Variants in KSR1 observed in about 807,000 individuals in gnomAD.
KSR1 encodes the protein kinase suppressor of ras 1.
In KSR1, 35 loss-of-function variants were observed where a neutral mutation model predicts 92.9. The observed-to-expected ratio is 0.38, with a 90% CI of 0.29 to 0.50. The LOEUF is 0.50. Ranked by LOEUF, KSR1 falls within the 20% of genes least tolerant of loss-of-function variation. The probability of loss-of-function intolerance (pLI) is 0.94; values close to 1 mark genes in which losing one functional copy is unlikely to be tolerated. For synonymous variants in KSR1, 467 were observed against 472.6 expected, an observed-to-expected ratio of 0.99 and a Z score of 0.15; for missense variants, 972 against 1,158.5, an observed-to-expected ratio of 0.84 and a Z score of 2.34.
Position 27,588,533 on chromosome 17 carries a change from C to T in KSR1, c.1044C>T (p.His348=), listed in dbSNP as rs772243304. ...VRRDIGLSVT[H]RFSTKSWLSQ... ...GGGATATCGGGCTGTCGGTGACGCA[C>T]AGGTAGGCACAGCGGGCCTGGAGGG... is the stretch of plus-strand genomic sequence containing the variant. The change falls in exon 6 of 21, where the codon CAC becomes CAT. Residue 348 remains histidine (H), a splice_region_variant and synonymous_variant. Transcript: ENST00000644974. 5.7e-6 allele frequency: 9 copies of T among 1,591,080 alleles called. No homozygotes were observed. The highest frequency in any genetic ancestry group is 7.7e-6 in the Non-Finnish European group (9 of 1,169,096).
At chr17:27,615,377 G>C (rs538282438) in intron 18 of KSR1, among the ~76,000 whole-genome samples, 59 of 152,348 alleles carry the variant, frequency 3.9e-4, no homozygotes, top group African/African-American at 1.3e-3. Context: ...CATTTTCTTT[G>C]TGGGTCCATC....
At chr17:27,503,113 GAGTA>G (rs1418560246) in intron 1 of KSR1, among the ~76,000 whole-genome samples, 5 of 152,164 alleles carry the variant, frequency 3.3e-5, no homozygotes, top group Admixed American at 2.6e-4. Flanking sequence ...AGAGAGTTCT[GAGTA>G]AGATATTTTG....
intron 1 of KSR1, among the ~76,000 whole-genome samples, chr17:27,525,705 C>A (rs2070231192): frequency 6.6e-6 from 1 of 152,222 alleles, no homozygotes; most frequent in South Asian, 2.1e-4. Flanking sequence ...AAACCTTAAG[C>A]TTTTCCAGGT....
At chr17:27,527,448 G>T (rs1400078482) in intron 1 of KSR1, among the ~76,000 whole-genome samples, 1 of 129,950 alleles carries the variant, frequency 7.7e-6, no homozygotes, top group African/African-American at 3.0e-5. Context: ...TGTCACCTAG[G>T]CTAGAGTGCA....
chr17:27,506,678 C>T (rs2069395766), intron 1 of KSR1, among the ~76,000 whole-genome samples: 1 of 149,956 alleles, frequency 6.7e-6, no homozygotes, highest in East Asian at 2.0e-4. Flanking sequence ...CTCCCCCTCC[C>T]ACCCCCTCCT....
At chr17:27,504,699 G>T (rs991406232) in intron 1 of KSR1, among the ~76,000 whole-genome samples, 1 of 152,170 alleles carries the variant, frequency 6.6e-6, no homozygotes. Flanking sequence ...CATCCCTGCC[G>T]CCATCTGCCT....
At chr17:27,574,180 G>A (rs902730043) in intron 2 of KSR1, among the ~76,000 whole-genome samples, 5 of 152,222 alleles carry the variant, frequency 3.3e-5, no homozygotes, top group Non-Finnish European at 7.3e-5. Context: ...TGCTTACCCT[G>A]ACGGTATCGC....
chr17:27,457,386 A>G (rs1189275387), intron 1 of KSR1, among the ~76,000 whole-genome samples: 1 of 152,144 alleles, frequency 6.6e-6, no homozygotes, highest in African/African-American at 2.4e-5. Context: ...CTTTTCAAAA[A>G]GTGTTGCTGA....
intron 1 of KSR1, among the ~76,000 whole-genome samples, chr17:27,504,375 C>G (rs1021023144): frequency 2.6e-5 from 4 of 152,078 alleles, no homozygotes; most frequent in Admixed American, 2.0e-4. Context: ...CAGGGCCTCT[C>G]GCAGGCTGTG....
At chr17:27,486,891 C>T (rs1220400659) in intron 1 of KSR1, among the ~76,000 whole-genome samples, 1 of 152,210 alleles carries the variant, frequency 6.6e-6, no homozygotes, top group African/African-American at 2.4e-5. Flanking sequence ...ACAGGACATT[C>T]AGACCCTCTG....
intron 1 of KSR1, among the ~76,000 whole-genome samples, chr17:27,495,757 T>C (rs1363328526): frequency 6.6e-6 from 1 of 152,224 alleles, no homozygotes; most frequent in African/African-American, 2.4e-5. Context: ...CCTGAGTTGA[T>C]GGCGGGTCTA....
chr17:27,526,517 C>T, intron 1 of KSR1: 2 of 1,604,268 alleles, frequency 1.2e-6, no homozygotes, highest in South Asian at 2.2e-5. Flanking sequence ...CCTCCTCTGC[C>T]ATCTCACACT....
intron 2 of KSR1, among the ~76,000 whole-genome samples, chr17:27,568,888 C>T (rs144080503): frequency 1.3e-5 from 2 of 152,332 alleles, no homozygotes; most frequent in African/African-American, 4.8e-5. Context: ...GATCCCAGGC[C>T]CTCAGCTTTA....
At chr17:27,617,206 A>C in intron 18 of KSR1, 89 bp from the exon 19 acceptor site, 2 of 1,403,202 alleles carry the variant, frequency 1.4e-6, no homozygotes, top group Non-Finnish European at 1.9e-6. Context: ...ACTTGAGAAC[A>C]TCAAAGGGAC....
intron 1 of KSR1, among the ~76,000 whole-genome samples, chr17:27,549,327 G>T (rs556751825): frequency 7.2e-5 from 11 of 152,306 alleles, no homozygotes; most frequent in Non-Finnish European, 8.8e-5. Flanking sequence ...TCACTTGGCC[G>T]TAGCCAAGCC....
chr17:27,504,105 G>A (rs972969032), intron 1 of KSR1, among the ~76,000 whole-genome samples: 1 of 152,214 alleles, frequency 6.6e-6, no homozygotes, highest in Non-Finnish European at 1.5e-5. Context: ...TGGCCCCGTG[G>A]GAAGTATAGA....
chr17:27,463,642 G>A (rs1458525401), intron 1 of KSR1, among the ~76,000 whole-genome samples: 1 of 152,088 alleles, frequency 6.6e-6, no homozygotes, highest in African/African-American at 2.4e-5. Context: ...GGCCCCCTGG[G>A]CTGACCAATT....
intron 1 of KSR1, among the ~76,000 whole-genome samples, chr17:27,482,529 G>C (rs934440471): frequency 3.9e-5 from 6 of 152,136 alleles, no homozygotes; most frequent in Non-Finnish European, 7.3e-5. Context: ...TTTGGCCCCA[G>C]GATGTTAATT....
intron 1 of KSR1, among the ~76,000 whole-genome samples, chr17:27,480,710 T>C (rs1035506830): frequency 1.3e-5 from 2 of 152,146 alleles, no homozygotes; most frequent in Non-Finnish European, 2.9e-5. Context: ...TATCCTCAAC[T>C]CCTAAACAGA....
Sources: gnomAD v4.1 joint callset for allele counts (sites outside exome capture counted in the v4.1 genomes callset) on GRCh38, gnomAD v4.1.1 for gene constraint, MANE v1.5 for transcripts, NCBI Gene and HGNC (gene_info 2026-07-23, HGNC 2026-07-21) for gene names.